MRAP: variants seen among roughly 807,000 people sequenced by gnomAD.
MRAP encodes the protein melanocortin 2 receptor accessory protein.
A neutral mutation model predicts 8.7 loss-of-function variants in MRAP; 8 were observed. The ratio of observed to expected loss-of-function variants is 0.92; its 90% CI spans 0.54 to 1.66. MRAP has a LOEUF of 1.66. MRAP is among the 40% of genes most tolerant of loss of function. The pLI, the probability that MRAP is intolerant of heterozygous loss-of-function variation, is 0.00. For missense variants in MRAP, 237 were observed against 217.1 expected (o/e 1.09, Z -0.58); for synonymous variants, 95 against 95.5 (o/e 1.00, Z 0.03).
chr21:32,302,449 G>A (rs955132844), intron 1 of MRAP, among the ~76,000 whole-genome samples: 4 of 152,164 alleles, frequency 2.6e-5, no homozygotes, highest in Non-Finnish European at 5.9e-5. Context: ...CCTTTCATTT[G>A]GATTTTTAAG....
chr21:32,293,541 A>C (rs1167624457), intron 2 of MRAP, among the ~76,000 whole-genome samples: 1 of 152,058 alleles, frequency 6.6e-6, no homozygotes, highest in Non-Finnish European at 1.5e-5. Context: ...ACCACCTGAG[A>C]CCATAGTATT....
intron 1 of MRAP, 66 bp from the exon 2 acceptor site, chr21:32,306,574 A>C (rs995879446): frequency 2.3e-5 from 31 of 1,340,204 alleles, no homozygotes; most frequent in Non-Finnish European, 3.0e-5. Flanking sequence ...GGGACTCCTT[A>C]CTGCCCCTCA....
At chr21:32,300,320 T>C (rs1201960938) in intron 1 of MRAP, among the ~76,000 whole-genome samples, 1 of 152,216 alleles carries the variant, frequency 6.6e-6, no homozygotes, top group Non-Finnish European at 1.5e-5. Context: ...GCGTCATGTG[T>C]CATGCATCCT....
At chr21:32,308,106 C>G (rs768636286) in intron 2 of MRAP, among the ~76,000 whole-genome samples, 1 of 152,152 alleles carries the variant, frequency 6.6e-6, no homozygotes, top group Non-Finnish European at 1.5e-5. Context: ...GGTGTGGGGG[C>G]TCACACCTGT....
At chr21:32,304,755 C>T (rs140660281) in intron 1 of MRAP, among the ~76,000 whole-genome samples, 524 of 152,162 alleles carry the variant, frequency 3.4e-3, no homozygotes, top group Non-Finnish European at 6.3e-3. Context: ...TAAACAGTTC[C>T]CTGCTCTAGG....
chr21:32,300,447 T>C lies in MRAP; in HGVS notation c.106+1370T>C, dbSNP rs867793529. On this transcript the variant is annotated intron_variant, in intron 1 of 2. Transcript: ENST00000303645. ...CGTCGGATGCGTCATGCGTCCTATG[T>C]CAGATGTTTCACACGTCTTATGTCA... Among the ~76,000 whole-genome samples, 31 of 149,738 alleles carry C rather than the reference T, an allele frequency of 2.1e-4. 1 individual carries two copies. The Middle Eastern group carries it at 0.015, about 74-fold the overall frequency.
downstream of MRAP, chr21:32,313,876 C>T (rs1205977792): frequency 6.6e-6 from 1 of 152,202 alleles, no homozygotes; most frequent in African/African-American, 2.4e-5. Context: ...GAGTAAAATT[C>T]TGACCTTTAA....
At chr21:32,300,227 C>G (rs1012378582) in intron 1 of MRAP, among the ~76,000 whole-genome samples, 1 of 152,196 alleles carries the variant, frequency 6.6e-6, no homozygotes, top group African/African-American at 2.4e-5. Context: ...TCTCCACACA[C>G]ACACAGAAAA....
intron 1 of MRAP, among the ~76,000 whole-genome samples, chr21:32,292,816 T>C (rs1159482395): frequency 6.6e-6 from 1 of 151,938 alleles, no homozygotes; most frequent in Non-Finnish European, 1.5e-5. Context: ...ATGTAACTTT[T>C]ATAGCAAAAA....
chr21:32,300,575 C>CCT (rs1159690899), intron 1 of MRAP, among the ~76,000 whole-genome samples: 1 of 136,848 alleles, frequency 7.3e-6, no homozygotes, highest in Non-Finnish European at 1.5e-5. Context: ...TTTCACACGT[C>CCT]ATGTCAGGGG....
upstream of MRAP, among the ~76,000 whole-genome samples, chr21:32,296,495 G>A (rs1480539731): frequency 6.6e-6 from 1 of 152,066 alleles, no homozygotes; most frequent in African/African-American, 2.4e-5. Flanking sequence ...TTCACAACGG[G>A]GTTACATTGT....
intron 2 of MRAP, among the ~76,000 whole-genome samples, chr21:32,293,586 C>A (rs547385752): frequency 6.6e-6 from 1 of 152,136 alleles, no homozygotes; most frequent in Non-Finnish European, 1.5e-5. Context: ...TCCAGGTCAT[C>A]GTTCAATAAA....
At chr21:32,312,373 T>C, downstream of MRAP, 2 of 1,137,334 alleles carry the variant, frequency 1.8e-6, no homozygotes, top group Non-Finnish European at 2.2e-6. Flanking sequence ...CTGGTCCTTC[T>C]GTACCTTTGT....
At chr21:32,295,687 G>A (rs1251785609), upstream of MRAP, among the ~76,000 whole-genome samples, 3 of 152,122 alleles carry the variant, frequency 2.0e-5, no homozygotes, top group Non-Finnish European at 4.4e-5. Flanking sequence ...TGTCTTAACA[G>A]AAATATGGCC....
At chr21:32,292,149 A>T (rs185378025) in intron 1 of MRAP, among the ~76,000 whole-genome samples, 2,604 of 80,030 alleles carry the variant, frequency 0.033, 82 homozygotes, top group African/African-American at 0.1. Flanking sequence ...GGTTTTGTTT[A>T]AAAAAAAAAG....
intron 1 of MRAP, among the ~76,000 whole-genome samples, chr21:32,305,746 C>T (rs1202470944): frequency 6.6e-6 from 1 of 152,142 alleles, no homozygotes; most frequent in East Asian, 1.9e-4. Context: ...CGCAGTTGGT[C>T]TGGGATAAGA....
At chr21:32,312,337 T>C, downstream of MRAP, 4 of 1,230,266 alleles carry the variant, frequency 3.3e-6, no homozygotes, top group Non-Finnish European at 4.1e-6. Flanking sequence ...CATTACTGTG[T>C]AATGCGTTAT....
chr21:32,300,464 CTTA>C (rs887663911), intron 1 of MRAP, among the ~76,000 whole-genome samples: 6 of 150,710 alleles, frequency 4.0e-5, no homozygotes, highest in South Asian at 4.2e-4. Context: ...TTTCACACGT[CTTA>C]TGTCAGGGGC....
At chr21:32,308,838 T>G (rs577700770) in intron 2 of MRAP, 1 of 152,558 alleles carries the variant, frequency 6.6e-6, no homozygotes, top group African/African-American at 2.4e-5. Flanking sequence ...GGTGCCATTA[T>G]AGACCATTAT....
Sources: gnomAD v4.1 joint callset for allele counts (sites outside exome capture counted in the v4.1 genomes callset) on GRCh38, gnomAD v4.1.1 for gene constraint, MANE v1.5 for transcripts, NCBI Gene and HGNC (gene_info 2026-07-23, HGNC 2026-07-21) for gene names.